The following DENND1A variants were observed in gnomAD, a reference collection of about 807,000 sequenced individuals.
The protein encoded by DENND1A is DENN domain containing 1A, also known as DENN domain-containing protein 1A.
A neutral mutation model predicts 113.7 loss-of-function variants in DENND1A; 51 were observed. That is an observed-to-expected ratio of 0.45 (90% confidence interval 0.36 to 0.57). The LOEUF (loss-of-function observed/expected upper bound fraction) is 0.57, where lower values mean the gene tolerates loss of function less well. DENND1A is among the 20% of genes least tolerant of loss of function. The pLI, the probability that DENND1A is intolerant of heterozygous loss-of-function variation, is 0.00. For synonymous variants in DENND1A, 565 were observed against 570.8 expected, an observed-to-expected ratio of 0.99 and a Z score of 0.14; for missense variants, 1,258 against 1,395.9, an observed-to-expected ratio of 0.90 and a Z score of 1.57.
At chr9:123,588,633 A>ACG (rs1554894950) in intron 11 of DENND1A, among the ~76,000 whole-genome samples, 15 of 86,464 alleles carry the variant, frequency 1.7e-4, no homozygotes, top group Middle Eastern at 6.6e-3. Context: ...AAAAAAAAAA[A>ACG]GGGGGGGGGG....
chr9:123,671,186 T>C lies in DENND1A; in HGVS notation c.453+105A>G, dbSNP rs1006970776. On this transcript the variant is annotated intron_variant, in intron 7 of 23. Transcript: ENST00000394215. ...GTCTCAGAGTATTTGGGGGTAGGGT[T>C]AGGGGAGGTATGGCTGACAAAATAC... The C allele has an allele frequency of 3.0e-6, 4 of 1,317,342 alleles. No homozygotes were observed. In the African/African-American group the frequency reaches 4.4e-5, roughly 14 times the overall value. 81.6% of individuals were successfully genotyped at this position (1,317,342 alleles called of 1,614,324 possible).
At chr9:123,887,906 A>G (rs990397514) in intron 1 of DENND1A, among the ~76,000 whole-genome samples, 2 of 152,208 alleles carry the variant, frequency 1.3e-5, no homozygotes, top group Admixed American at 6.5e-5. Context: ...AAATGCAGAT[A>G]TTAGAATGTG....
intron 2 of DENND1A, among the ~76,000 whole-genome samples, chr9:123,830,873 G>GAAAAAAAAAGA (rs1840085657): frequency 2.5e-5 from 1 of 39,310 alleles, no homozygotes; most frequent in Non-Finnish European, 4.5e-5. Context: ...TCTCAAAAAT[G>GAAAAAAAAAGA]AAAAAAAAAA....
chr9:123,847,256 C>CA (rs907183347), intron 2 of DENND1A, among the ~76,000 whole-genome samples: 16 of 149,590 alleles, frequency 1.1e-4, no homozygotes, highest in East Asian at 7.8e-4. Context: ...TGAAAACACA[C>CA]AAAAAAAATG....
rs141709189 is a variant in DENND1A, at chr9:123,406,044, T to C, written c.1543-2554A>G. ...GGAAGCAGGCACACACTCCACTTCCTGCCCACCCTTTTTCCTGAACATCGT... is the reference window on the plus strand; with the variant it reads ...GGAAGCAGGCACACACTCCACTTCCCGCCCACCCTTTTTCCTGAACATCGT... On this transcript the variant is annotated intron_variant, in intron 20 of 23. Coordinates refer to ENST00000394215, the MANE Select transcript of DENND1A (RefSeq NM_001352964.2). Among the ~76,000 whole-genome samples, 1,037 of 152,078 alleles carry C rather than the reference T, an allele frequency of 6.8e-3. 2 individuals are homozygous for C. The highest frequency in any genetic ancestry group is 0.018 in the African/African-American group (745 of 41,384).
At chr9:123,709,273 C>T (rs1345208646) in intron 5 of DENND1A, among the ~76,000 whole-genome samples, 2 of 152,156 alleles carry the variant, frequency 1.3e-5, no homozygotes, top group African/African-American at 2.4e-5. Context: ...CGACCCAGGC[C>T]CCCCTCTGAG....
intron 21 of DENND1A, among the ~76,000 whole-genome samples, chr9:123,389,252 C>G (rs930825891): frequency 6.6e-6 from 1 of 152,360 alleles, no homozygotes; most frequent in Non-Finnish European, 1.5e-5. Flanking sequence ...CTCCCAGAGG[C>G]TGGCCAGGCA....
At chr9:123,692,051 G>A (rs1383867284) in intron 5 of DENND1A, among the ~76,000 whole-genome samples, 1 of 152,128 alleles carries the variant, frequency 6.6e-6, no homozygotes, top group African/African-American at 2.4e-5. Flanking sequence ...AGCAGGTGCG[G>A]TCCTCCCATT....
At chr9:123,505,134 T>C (rs1459727767) in intron 13 of DENND1A, among the ~76,000 whole-genome samples, 1 of 152,258 alleles carries the variant, frequency 6.6e-6, no homozygotes, top group Non-Finnish European at 1.5e-5. Flanking sequence ...TTACCTAACA[T>C]ATTTTAGCAG....
chr9:123,593,045 T>C (rs1183336708), intron 11 of DENND1A, among the ~76,000 whole-genome samples: 1 of 152,196 alleles, frequency 6.6e-6, no homozygotes, highest in Non-Finnish European at 1.5e-5. Context: ...TATTTCACTG[T>C]TAGAAAATGT....
Position 123,786,672 on chromosome 9 carries a change from A to T in DENND1A, c.132+5915T>A, listed in dbSNP as rs559381889. Among the ~76,000 whole-genome samples, 3 of 152,306 alleles carry T rather than the reference A, an allele frequency of 2.0e-5. No homozygotes were observed. In the South Asian group the frequency reaches 6.2e-4, roughly 32 times the overall value. ...CAGATATGATGAAAAAAGAATCAGA[A>T]CATATCATCACTTGTAACCATAAGT... is the stretch of plus-strand genomic sequence containing the variant. On this transcript the variant is annotated intron_variant, in intron 3 of 23. Transcript: ENST00000394215.
chr9:123,641,326 T>C (rs2062014377), intron 9 of DENND1A, among the ~76,000 whole-genome samples: 1 of 151,716 alleles, frequency 6.6e-6, no homozygotes, highest in South Asian at 2.1e-4. Context: ...TATGAGAAGC[T>C]ATCAGTCCTG....
intron 2 of DENND1A, among the ~76,000 whole-genome samples, chr9:123,804,758 C>T (rs374364118): frequency 1.3e-5 from 2 of 152,192 alleles, no homozygotes; most frequent in East Asian, 3.8e-4. Context: ...CAAATTCTGA[C>T]CATTTCACTC....
intron 18 of DENND1A, among the ~76,000 whole-genome samples, chr9:123,440,945 T>C (rs990324821): frequency 6.6e-6 from 1 of 152,208 alleles, no homozygotes; most frequent in Non-Finnish European, 1.5e-5. Context: ...TGAGCGGATA[T>C]ACAATAATTT....
At chr9:123,624,502 A>C (rs2061108267) in intron 10 of DENND1A, among the ~76,000 whole-genome samples, 1 of 152,160 alleles carries the variant, frequency 6.6e-6, no homozygotes, top group South Asian at 2.1e-4. Context: ...ACAGACACCA[A>C]TCCCCACCGG....
chr9:123,801,778 C>G (rs965046877), intron 2 of DENND1A, among the ~76,000 whole-genome samples: 1 of 152,152 alleles, frequency 6.6e-6, no homozygotes, highest in African/African-American at 2.4e-5. Context: ...TAAGACCAAC[C>G]CAGCCAATTT....
chr9:123,544,096 T>C (rs2056483064), intron 13 of DENND1A, among the ~76,000 whole-genome samples: 1 of 152,244 alleles, frequency 6.6e-6, no homozygotes, highest in Admixed American at 6.5e-5. Context: ...TTTATCATGA[T>C]TGTCAATAAT....
intron 21 of DENND1A, chr9:123,402,631 C>T (rs1440885841): frequency 3.7e-6 from 2 of 534,452 alleles, no homozygotes; most frequent in East Asian, 5.4e-5. Context: ...AGGAAGTCAG[C>T]GTGTAGCCGC....
chr9:123,640,565 C>A (rs376491198), intron 9 of DENND1A, among the ~76,000 whole-genome samples: 2 of 152,216 alleles, frequency 1.3e-5, no homozygotes, highest in East Asian at 3.8e-4. Context: ...TTACGACGAT[C>A]CTAATATTCA....
Sources: allele counts gnomAD v4.1 joint callset (sites outside exome capture counted in the v4.1 genomes callset), GRCh38; gene constraint gnomAD v4.1.1; transcripts MANE v1.5; gene names NCBI Gene and HGNC (gene_info 2026-07-23, HGNC 2026-07-21).